The following B9D2 variants were observed in gnomAD, a reference collection of about 807,000 sequenced individuals.
B9D2 encodes B9 domain-containing protein 2.
Under a neutral mutation model 19.2 loss-of-function variants are expected in B9D2, and 21 were observed. That is an observed-to-expected ratio of 1.09 (90% CI 0.78 to 1.58). The LOEUF (loss-of-function observed/expected upper bound fraction) is 1.58. Ranked by LOEUF, B9D2 falls within the 40% of genes most tolerant of loss-of-function variation. The probability of loss-of-function intolerance (pLI) is 0.00; values close to 1 mark genes in which losing one functional copy is unlikely to be tolerated. For missense variants in B9D2, 221 were observed against 244.3 expected, an observed-to-expected ratio of 0.90 and a Z score of 0.64; for synonymous variants, 91 against 100.6, an observed-to-expected ratio of 0.90 and a Z score of 0.57.
chr19:41,356,520 T>C (rs2038315702), intron 3 of B9D2, among the ~76,000 whole-genome samples: 1 of 151,612 alleles, frequency 6.6e-6, no homozygotes, highest in South Asian at 2.1e-4. Context: ...TTTCCCCAGC[T>C]CCAGCTTAAA....
intron 2 of B9D2, among the ~76,000 whole-genome samples, chr19:41,362,078 CAAAAA>C (rs940435937): frequency 4.3e-5 from 2 of 46,022 alleles, no homozygotes; most frequent in African/African-American, 1.4e-4. Flanking sequence ...GACTCTGTCT[CAAAAA>C]AAAAAAAAAA....
chr19:41,354,619 G>C lies in B9D2; in HGVS notation c.*81C>G. ...TCAGCTCTGACAGTCTCTAGAGTCTGTGCTCTTGACCACTGTGCCATCCTC... is the reference window on the plus strand; with the variant it reads ...TCAGCTCTGACAGTCTCTAGAGTCTCTGCTCTTGACCACTGTGCCATCCTC... On this transcript the variant is annotated 3_prime_UTR_variant, in exon 4 of 4. Coordinates refer to ENST00000243578, the MANE Select transcript of B9D2 (RefSeq NM_030578.4). 1 of 1,557,986 alleles carries C rather than the reference G, an allele frequency of 6.4e-7. No homozygotes were observed. The highest frequency in any genetic ancestry group is 8.8e-7 in the Non-Finnish European group (1 of 1,133,758).
At chr19:41,363,377 G>A (rs184768664) in intron 2 of B9D2, 55 bp downstream of exon 2, 1 of 1,557,758 alleles carries the variant, frequency 6.4e-7, no homozygotes, top group East Asian at 2.2e-5. Context: ...GAAGGAGCAT[G>A]TAGCCTCTAG....
intron 2 of B9D2, among the ~76,000 whole-genome samples, chr19:41,362,078 CAAAAAAAAA>C (rs940435937): frequency 4.3e-5 from 2 of 46,042 alleles, no homozygotes; most frequent in Non-Finnish European, 8.8e-5. Flanking sequence ...GACTCTGTCT[CAAAAAAAAA>C]AAAAAAAAAA....
At chr19:41,360,177 T>A (rs1187640923) in intron 2 of B9D2, among the ~76,000 whole-genome samples, 1 of 151,734 alleles carries the variant, frequency 6.6e-6, no homozygotes, top group African/African-American at 2.4e-5. Flanking sequence ...TCCTTTCTTT[T>A]TTTGGGGGGG....
At position 41,354,761 on chromosome 19, in the gene B9D2, G is replaced by A; in HGVS notation, c.467C>T (p.Thr156Ile). The change falls in exon 4 of 4, where the codon ACC becomes ATC. Residue 156 changes from threonine (T) to isoleucine (I), a missense_variant. By Grantham distance (89) the Thr-to-Ile change is moderately conservative (BLOSUM62 -1). Transcript: ENST00000243578. ...RYRLHTAAGG[T>I]VHLEIGLLLR... ...CAGCAGGCCGATCTCCAGGTGCACG[G>A]TGCCACCAGCAGCTGTGTGCAGGCG... The A allele has an allele frequency of 6.2e-7, 1 of 1,614,042 alleles. No individual in the cohort carries two copies. Among genetic ancestry groups the A allele is most frequent in the Non-Finnish European group, 8.5e-7 (1 of 1,180,036 alleles).
intron 3 of B9D2, among the ~76,000 whole-genome samples, chr19:41,356,429 A>C (rs1198317064): frequency 6.6e-6 from 1 of 152,176 alleles, no homozygotes; most frequent in Non-Finnish European, 1.5e-5. Flanking sequence ...GGCTGGTGCC[A>C]CCACTGGGGG....
intron 2 of B9D2, chr19:41,363,217 G>A (rs948521226): frequency 8.3e-6 from 5 of 603,680 alleles, no homozygotes; most frequent in Non-Finnish European, 1.5e-5. Flanking sequence ...CCTTACTCCA[G>A]CCCGGGCGCA....
chr19:41,355,352 G>C (rs747794682), intron 3 of B9D2, among the ~76,000 whole-genome samples: 2 of 152,072 alleles, frequency 1.3e-5, no homozygotes, highest in Non-Finnish European at 2.9e-5. Context: ...CCTCCTCCAT[G>C]ACCCCATGTC....
At position 41,363,582 on chromosome 19, in the gene B9D2, C is replaced by CA. The variant is rs3217387; in HGVS notation, c.-4-60_-4-59insT. ...AGGTAAGTGTATTATCTCCATTTGACGGGGGGGAAACTGAGGCCCAGCAAG... is the reference window on the plus strand; with the variant it reads ...AGGTAAGTGTATTATCTCCATTTGACAGGGGGGGAAACTGAGGCCCAGCAAG... On this transcript the variant is annotated intron_variant, in intron 1 of 3. Transcript: ENST00000243578. 0.68 allele frequency: 1,013,649 copies of CA among 1,496,116 alleles called. 348,323 individuals carry two copies. The highest frequency in any genetic ancestry group is 0.85 in the African/African-American group (61,243 of 72,260). 92.7% of individuals were successfully genotyped at this position (1,496,116 alleles called of 1,614,324 possible).
chr19:41,357,875 C>G (rs776771096), intron 3 of B9D2, 22 bp downstream of exon 3: 6 of 1,613,566 alleles, frequency 3.7e-6, no homozygotes, highest in Non-Finnish European at 5.1e-6. Context: ...AGCCTGGACC[C>G]GGGTCCAGGT....
chr19:41,362,633 T>C (rs2038429197), intron 2 of B9D2, among the ~76,000 whole-genome samples: 1 of 152,200 alleles, frequency 6.6e-6, no homozygotes, highest in Non-Finnish European at 1.5e-5. Flanking sequence ...AATATTTCTA[T>C]GACTCTCATT....
At chr19:41,357,081 C>T (rs1392902432) in intron 3 of B9D2, among the ~76,000 whole-genome samples, 5 of 152,198 alleles carry the variant, frequency 3.3e-5, no homozygotes, top group African/African-American at 1.2e-4. Flanking sequence ...TCTTCTATCC[C>T]TCTGCCTTAT....
intron 2 of B9D2, among the ~76,000 whole-genome samples, chr19:41,360,040 C>T (rs1418633589): frequency 6.6e-6 from 1 of 152,220 alleles, no homozygotes; most frequent in Non-Finnish European, 1.5e-5. Context: ...TTGTTTTCAT[C>T]CTTCAGGGCC....
intron 2 of B9D2, among the ~76,000 whole-genome samples, chr19:41,359,124 C>T (rs1187230188): frequency 6.6e-6 from 1 of 151,820 alleles, no homozygotes. Flanking sequence ...CACAGTGAGA[C>T]TCCATCTCAA....
chr19:41,356,167 C>A (rs1027551269), intron 3 of B9D2, among the ~76,000 whole-genome samples: 1 of 152,076 alleles, frequency 6.6e-6, no homozygotes, highest in Non-Finnish European at 1.5e-5. Context: ...GGGTTCTGAG[C>A]AGAGCAGAGA....
chr19:41,355,045 G>C (rs780383822), intron 3 of B9D2, 32 bp from the exon 4 acceptor site: 22 of 1,522,732 alleles, frequency 1.4e-5, no homozygotes, highest in Non-Finnish European at 1.9e-5. Context: ...GGAAAGGAGG[G>C]ATGGGTGGGG....
intron 3 of B9D2, among the ~76,000 whole-genome samples, chr19:41,357,357 G>A (rs1217470304): frequency 6.6e-6 from 1 of 152,196 alleles, no homozygotes; most frequent in African/African-American, 2.4e-5. Flanking sequence ...GCTGGACACA[G>A]GGCAGGTACC....
rs371315485 is a variant in B9D2, at chr19:41,354,720, G to A, written c.508C>T (p.Arg170Cys). 5.5e-5 allele frequency: 89 copies of A among 1,613,892 alleles called. No individual in the cohort carries two copies. Among genetic ancestry groups the A allele is most frequent in the Non-Finnish European group, 6.9e-5 (81 of 1,180,016 alleles). Residue 170 changes from arginine (R) to cysteine (C), a missense_variant, in exon 4 of 4, where the codon CGC (arginine) becomes TGC (cysteine). Physicochemically the swap from Arg to Cys is radical, Grantham distance 180. Transcript: ENST00000243578. ...EIGLLLRNFDRYGVEC is the reference protein window; with the variant it reads ...EIGLLLRNFDCYGVEC ...GTCCCTCAGCACTCCACGCCGTAGC[G>A]GTCGAAGTTGCGGAGCAGCAGGCCG...
Sources: allele counts gnomAD v4.1 joint callset (sites outside exome capture counted in the v4.1 genomes callset), GRCh38; gene constraint gnomAD v4.1.1; transcripts MANE v1.5; gene names NCBI Gene and HGNC (gene_info 2026-07-23, HGNC 2026-07-21).